The following ALPK2 variants were observed in gnomAD, a reference collection of about 807,000 sequenced individuals.
ALPK2 encodes alpha-protein kinase 2.
In ALPK2, 127 loss-of-function variants were observed where a neutral mutation model predicts 163.1. The ratio of observed to expected loss-of-function variants is 0.78; its 90% confidence interval spans 0.67 to 0.90. The LOEUF is 0.90. ALPK2 is among the 40% of genes least tolerant of loss of function. The pLI, the probability that ALPK2 is intolerant of heterozygous loss-of-function variation, is 0.00. For missense variants in ALPK2, 2,360 were observed against 2,589.6 expected (o/e 0.91, Z 1.92); for synonymous variants, 953 against 959.1 (o/e 0.99, Z 0.12).
At chr18:58,619,109 C>T (rs79446379) in intron 1 of ALPK2, among the ~76,000 whole-genome samples, 1 of 152,216 alleles carries the variant, frequency 6.6e-6, no homozygotes, top group East Asian at 1.9e-4. Context: ...AGTTAGGGAA[C>T]CTTATCCAAA....
At position 58,579,053 on chromosome 18, in the gene ALPK2, G is replaced by A; in HGVS notation, c.1723C>T (p.Leu575=). ...CSAKESAEPP[L]TQSDKRETSH... is the part of the protein sequence containing the mutation. ...GTCTCTCTTTTATCACTCTGGGTTA[G>A]TGGGGGCTCAGCAGATTCTTTGGCA... The change falls in exon 4 of 13, where the codon CTA becomes TTA. Residue 575 remains leucine, a synonymous_variant. Transcript: ENST00000361673. The A allele has an allele frequency of 6.2e-7, 1 of 1,614,250 alleles. No homozygotes were observed. The highest frequency in any genetic ancestry group is 8.5e-7 in the Non-Finnish European group (1 of 1,180,052).
chr18:58,531,199 GTAA>G (rs1007150810), intron 5 of ALPK2, among the ~76,000 whole-genome samples: 6 of 152,090 alleles, frequency 3.9e-5, no homozygotes, highest in African/African-American at 1.4e-4. Context: ...TATCTCTAAA[GTAA>G]TAATAATAAT....
In ALPK2 at chr18:58,538,040, C is replaced by G. The variant is rs761401696; in HGVS notation, c.2147G>C (p.Gly716Ala). 6.2e-7 allele frequency: 1 copy of G among 1,614,132 alleles called. No homozygotes were observed. The highest frequency in any genetic ancestry group is 1.1e-5 in the South Asian group (1 of 91,080). Residue 716 changes from glycine (G) to alanine (A), a missense_variant, in exon 5 of 13, where the codon GGT becomes GCT. Coordinates refer to ENST00000361673, the MANE Select transcript of ALPK2 (RefSeq NM_052947.4). ...QHSEVKPCTC[G>A]PQHEEKQDRD... ...GTCTTGTTTTTCTTCATGCTGTGGACCACAGGTACAGGGTTTGACCTCCGA... is the reference window on the plus strand; with the variant it reads ...GTCTTGTTTTTCTTCATGCTGTGGAGCACAGGTACAGGGTTTGACCTCCGA...
At position 58,611,764 on chromosome 18, in the gene ALPK2, G is replaced by C. The variant is rs764193300; in HGVS notation, c.34C>G (p.Leu12Val). 1.2e-6 allele frequency: 2 copies of C among 1,611,184 alleles called. No individual in the cohort carries two copies. The highest frequency in any genetic ancestry group is 1.7e-6 in the Non-Finnish European group (2 of 1,179,082). Residue 12 changes from leucine to valine, a missense_variant, in exon 2 of 13, where the codon CTG becomes GTG. Physicochemically the swap from Leu to Val is conservative, Grantham distance 32 (BLOSUM62 1). Transcript: ENST00000361673. ...KDSEGPQRPP[L>V]CFLSTLLSQK... ...GAAAGCAATGTAGATAAAAAACACA[G>C]CGGGGGCCTCTGGGGCCCTTCGGAG...
At chr18:58,582,130 C>A (rs9956862) in intron 3 of ALPK2, among the ~76,000 whole-genome samples, 1 of 152,014 alleles carries the variant, frequency 6.6e-6, no homozygotes, top group African/African-American at 2.4e-5. Flanking sequence ...ATGGCTGATA[C>A]TGGGCTTTGC....
chr18:58,587,032 G>C (rs1464203420), intron 3 of ALPK2, among the ~76,000 whole-genome samples: 1 of 152,130 alleles, frequency 6.6e-6, no homozygotes, highest in African/African-American at 2.4e-5. Context: ...CTGACCTTAA[G>C]GCTCTCTACT....
intron 4 of ALPK2, among the ~76,000 whole-genome samples, chr18:58,556,901 A>G (rs1303526273): frequency 6.6e-6 from 1 of 152,198 alleles, no homozygotes; most frequent in Non-Finnish European, 1.5e-5. Flanking sequence ...ATGAAAGCTC[A>G]TGACAAACGC....
intron 3 of ALPK2, 190 bp from the exon 4 acceptor site, chr18:58,580,738 A>C: frequency 3.3e-6 from 2 of 601,486 alleles, no homozygotes; most frequent in Admixed American, 3.0e-5. Flanking sequence ...AGTGCTGAGA[A>C]TCCTAGGCAA....
intron 4 of ALPK2, among the ~76,000 whole-genome samples, chr18:58,549,725 T>C (rs12456543): frequency 0.16 from 24,957 of 152,216 alleles, 2,449 homozygotes; most frequent in East Asian, 0.33. Flanking sequence ...TTCTTTCTGA[T>C]TAAGCCTATT....
chr18:58,550,486 T>C (rs372540386), intron 4 of ALPK2, among the ~76,000 whole-genome samples: 32 of 4,598 alleles, frequency 7.0e-3, no homozygotes, highest in Admixed American at 0.013. Flanking sequence ...TATATGACTC[T>C]ACCCCCATCT....
chr18:58,539,310 G>A (rs62094750), intron 4 of ALPK2, among the ~76,000 whole-genome samples: 17,940 of 152,078 alleles, frequency 0.12, 1,169 homozygotes, highest in Non-Finnish European at 0.14. Flanking sequence ...AGAAGATTCA[G>A]GACTGCTTAG....
intron 11 of ALPK2, among the ~76,000 whole-genome samples, chr18:58,502,765 T>C (rs1019651953): frequency 6.6e-6 from 1 of 152,256 alleles, no homozygotes; most frequent in African/African-American, 2.4e-5. Flanking sequence ...CACACCAGCA[T>C]TTCTCTGCTT....
intron 12 of ALPK2, among the ~76,000 whole-genome samples, chr18:58,489,388 A>G (rs56086628): frequency 0.16 from 23,809 of 152,122 alleles, 2,002 homozygotes; most frequent in East Asian, 0.38. Flanking sequence ...ATGCTATCTG[A>G]TATCTCTCCT....
chr18:58,495,908 G>A (rs1406257403), intron 12 of ALPK2, among the ~76,000 whole-genome samples: 3 of 152,322 alleles, frequency 2.0e-5, no homozygotes, highest in African/African-American at 7.2e-5. Flanking sequence ...CGAGAAGCCA[G>A]GATTCAAACT....
At chr18:58,565,731 G>GTTCC (rs74183271) in intron 4 of ALPK2, among the ~76,000 whole-genome samples, 8,073 of 145,798 alleles carry the variant, frequency 0.055, 275 homozygotes, top group African/African-American at 0.085. Context: ...TCTCTTTTTT[G>GTTCC]TTCCTTCCTT....
chr18:58,626,697 A>AT (rs912688037), intron 1 of ALPK2, among the ~76,000 whole-genome samples: 3 of 152,104 alleles, frequency 2.0e-5, no homozygotes, highest in Non-Finnish European at 2.9e-5. Flanking sequence ...GTAAAAAAAA[A>AT]TTTTTTCTTA....
At chr18:58,614,930 C>T (rs2052157287) in intron 1 of ALPK2, among the ~76,000 whole-genome samples, 1 of 152,038 alleles carries the variant, frequency 6.6e-6, no homozygotes, top group Admixed American at 6.6e-5. Context: ...CACACACAGC[C>T]AGAGGCAATC....
rs2051649335 is a variant in ALPK2 at position 58,536,567 on chromosome 18, G to C, written c.3620C>G (p.Ala1207Gly). The C allele has an allele frequency of 1.2e-6, 2 of 1,613,874 alleles. No individual in the cohort carries two copies. ...AGAGAGAGATGGAACGTTGCTCAGA[G>C]CCTGACTGTCTTCTTCCCCAGCAGT... is the stretch of plus-strand genomic sequence containing the variant. ...AETAGEEDSQ[A>G]LSNVPSLSDI... The change falls in exon 5 of 13, where the codon GCT becomes GGT. Residue 1207 changes from alanine to glycine, a missense_variant. Ala to Gly is a moderately conservative substitution (Grantham distance 60). Transcript: ENST00000361673.
intron 3 of ALPK2, among the ~76,000 whole-genome samples, chr18:58,593,947 CAA>C (rs11366867): frequency 0.024 from 3,058 of 127,150 alleles, 92 homozygotes; most frequent in African/African-American, 0.074. Flanking sequence ...TTCCCCCAAC[CAA>C]AAAAAAAAAA....
Sources: allele counts gnomAD v4.1 joint callset (sites outside exome capture counted in the v4.1 genomes callset), GRCh38; gene constraint gnomAD v4.1.1; transcripts MANE v1.5; gene names NCBI Gene and HGNC (gene_info 2026-07-23, HGNC 2026-07-21).